The following SORCS1 variants were observed in gnomAD, a reference collection of about 807,000 sequenced individuals.
SORCS1 encodes sortilin related VPS10 domain containing receptor 1.
Under a neutral mutation model 146.1 loss-of-function variants are expected in SORCS1, and 60 were observed. That is an observed-to-expected ratio of 0.41 (90% confidence interval 0.33 to 0.51). The LOEUF (loss-of-function observed/expected upper bound fraction) is 0.51, where lower values mean the gene tolerates loss of function less well. Ranked by LOEUF, SORCS1 falls within the 20% of genes least tolerant of loss-of-function variation. SORCS1 has a pLI of 0.21. For missense variants in SORCS1, 1,352 were observed against 1,487.6 expected (o/e 0.91, Z 1.50); for synonymous variants, 637 against 584.0 (o/e 1.09, Z -1.31).
Position 107,100,374 on chromosome 10 carries a change from C to T in SORCS1, c.558+63595G>A, listed in dbSNP as rs7089151. Among the ~76,000 whole-genome samples, 838 of 151,958 alleles carry T rather than the reference C, an allele frequency of 5.5e-3. 11 individuals are homozygous for T. Among genetic ancestry groups the T allele is most frequent in the African/African-American group, 0.019 (784 of 41,462 alleles). ...TAAAAATACAAAAAACTTAGCTGGG[C>T]GTGGTGGCGGGCGCCTGTAGTCCCA... On this transcript the variant is annotated intron_variant, in intron 1 of 25. Coordinates refer to ENST00000263054, the MANE Select transcript of SORCS1 (RefSeq NM_052918.5).
chr10:106,821,983 T>A (rs1317525021), intron 3 of SORCS1, among the ~76,000 whole-genome samples: 1 of 151,664 alleles, frequency 6.6e-6, no homozygotes, highest in African/African-American at 2.4e-5. Context: ...AAACCACCTC[T>A]GAGAACCAGG....
intron 23 of SORCS1, among the ~76,000 whole-genome samples, chr10:106,601,028 C>T (rs1191340537): frequency 6.6e-6 from 1 of 152,216 alleles, no homozygotes; most frequent in Admixed American, 6.5e-5. Context: ...GATTTCCTAA[C>T]ACCATCCTCA....
chr10:106,795,652 C>T (rs952754976), intron 3 of SORCS1, among the ~76,000 whole-genome samples: 4 of 152,034 alleles, frequency 2.6e-5, no homozygotes, highest in Non-Finnish European at 5.9e-5. Flanking sequence ...AATGGGTGTT[C>T]GTGTGATCTT....
At chr10:107,073,875 T>G (rs1389396294) in intron 1 of SORCS1, among the ~76,000 whole-genome samples, 1 of 152,100 alleles carries the variant, frequency 6.6e-6, no homozygotes, top group East Asian at 1.9e-4. Context: ...GCTTGGACTT[T>G]TTTTTTTTAA....
chr10:107,117,837 T>C (rs1346812902), intron 1 of SORCS1, among the ~76,000 whole-genome samples: 1 of 152,186 alleles, frequency 6.6e-6, no homozygotes, highest in Non-Finnish European at 1.5e-5. Flanking sequence ...GGATTTTGCC[T>C]CACAGTGACT....
Position 106,652,577 on chromosome 10 carries a change from G to A in SORCS1, c.2304-24C>T, listed in dbSNP as rs747804447. 26 of 1,606,810 alleles carry A rather than the reference G, an allele frequency of 1.6e-5. No homozygotes were observed. The East Asian group carries it at 4.0e-4, about 25-fold the overall frequency. On this transcript the variant is annotated intron_variant, in intron 17 of 25. Coordinates refer to ENST00000263054, the MANE Select transcript of SORCS1 (RefSeq NM_052918.5). ...ACCTAAATGGAAAAAAGCTCAAGTC[G>A]TAAACCAGCTCATTATAATGTGAAT...
intron 1 of SORCS1, among the ~76,000 whole-genome samples, chr10:107,047,799 T>G (rs1959651136): frequency 6.6e-6 from 1 of 152,010 alleles, no homozygotes; most frequent in South Asian, 2.1e-4. Context: ...TTAGGAAGCT[T>G]GCCGGGTGCG....
At chr10:106,985,285 T>A (rs189093170) in intron 1 of SORCS1, among the ~76,000 whole-genome samples, 14 of 152,314 alleles carry the variant, frequency 9.2e-5, no homozygotes, top group Admixed American at 3.9e-4. Context: ...CCAATGACTT[T>A]TGAGTGGAAA....
chr10:106,612,487 G>A (rs924606297), intron 21 of SORCS1, among the ~76,000 whole-genome samples: 1 of 150,820 alleles, frequency 6.6e-6, no homozygotes, highest in African/African-American at 2.4e-5. Flanking sequence ...GTTTGACCAG[G>A]CATGTCATTC....
chr10:106,680,304 A>G (rs1852340131), intron 10 of SORCS1, among the ~76,000 whole-genome samples: 1 of 152,230 alleles, frequency 6.6e-6, no homozygotes, highest in Non-Finnish European at 1.5e-5. Context: ...AAAAGACTGA[A>G]GAGGAGAAAT....
At chr10:106,672,145 C>T (rs779042698) in intron 15 of SORCS1, among the ~76,000 whole-genome samples, 2 of 152,200 alleles carry the variant, frequency 1.3e-5, no homozygotes, top group Non-Finnish European at 2.9e-5. Flanking sequence ...TATACATCTA[C>T]ATTTACATAT....
rs183070096 is a variant in SORCS1, at chr10:106,926,876, G to C, written c.626+29637C>G. ...ACACACACACACACACAGAGAGAGA[G>C]AGAGAGAGAGAGAGAGAGAGAGAAT... On this transcript the variant is annotated intron_variant, in intron 2 of 25. Transcript: ENST00000263054. 4.4e-4 allele frequency among the ~76,000 whole-genome samples: 59 copies of C among 134,252 alleles called. 2 individuals carry two copies. Among genetic ancestry groups the C allele is most frequent in the Admixed American group, 5.8e-4 (8 of 13,874 alleles). 88.1% of individuals were successfully genotyped at this position (134,252 alleles called of 152,430 possible).
intron 18 of SORCS1, among the ~76,000 whole-genome samples, chr10:106,641,581 T>C (rs1052197634): frequency 6.6e-6 from 1 of 152,200 alleles, no homozygotes; most frequent in Admixed American, 6.5e-5. Flanking sequence ...GTTAAGAGTC[T>C]TTTAAGTTTC....
At chr10:107,127,160 G>T (rs575780186) in intron 1 of SORCS1, among the ~76,000 whole-genome samples, 2 of 152,236 alleles carry the variant, frequency 1.3e-5, no homozygotes, top group African/African-American at 4.8e-5. Context: ...TTTCAAGGAG[G>T]TTTGCTGATA....
At chr10:106,647,001 G>A (rs1023874009) in intron 18 of SORCS1, among the ~76,000 whole-genome samples, 11 of 54,828 alleles carry the variant, frequency 2.0e-4, no homozygotes, top group African/African-American at 7.8e-4. Context: ...ATGTGTGTTT[G>A]TATGTGTATA....
intron 1 of SORCS1, among the ~76,000 whole-genome samples, chr10:107,077,178 C>T (rs1009471029): frequency 4.6e-5 from 7 of 152,026 alleles, no homozygotes; most frequent in African/African-American, 1.7e-4. Context: ...TAGCTTTTCT[C>T]CTGTGGTGTC....
intron 18 of SORCS1, 34 bp downstream of exon 18, chr10:106,652,348 T>C (rs1449551396): frequency 1.3e-6 from 2 of 1,526,684 alleles, no homozygotes; most frequent in Non-Finnish European, 1.8e-6. Flanking sequence ...TCACTGGCCC[T>C]AGAAAGTAGG....
chr10:106,843,713 GCGTGA>G (rs1949170840), intron 2 of SORCS1, among the ~76,000 whole-genome samples: 1 of 152,158 alleles, frequency 6.6e-6, no homozygotes, highest in Non-Finnish European at 1.5e-5. Flanking sequence ...GGGATTACAG[GCGTGA>G]GCCACTGCAC....
intron 2 of SORCS1, among the ~76,000 whole-genome samples, chr10:106,952,590 T>C (rs1954742628): frequency 6.7e-6 from 1 of 148,378 alleles, no homozygotes; most frequent in Non-Finnish European, 1.5e-5. Flanking sequence ...TGTTATATTA[T>C]ATATTATAAT....
Sources: gnomAD v4.1 joint callset for allele counts (sites outside exome capture counted in the v4.1 genomes callset) on GRCh38, gnomAD v4.1.1 for gene constraint, MANE v1.5 for transcripts, NCBI Gene and HGNC (gene_info 2026-07-23, HGNC 2026-07-21) for gene names.